The following SUSD4 variants were observed in gnomAD, a reference collection of about 807,000 sequenced individuals.
SUSD4 encodes the protein sushi domain containing 4.
In SUSD4, 41 loss-of-function variants were observed where a neutral mutation model predicts 50.5. That is an observed-to-expected ratio of 0.81 (90% confidence interval 0.63 to 1.05). The LOEUF (loss-of-function observed/expected upper bound fraction) is 1.05, where lower values mean the gene tolerates loss of function less well. SUSD4 is among the 50% of genes least tolerant of loss of function. The probability of loss-of-function intolerance (pLI) is 0.00; values close to 1 mark genes in which losing one functional copy is unlikely to be tolerated. For synonymous variants in SUSD4, 257 were observed against 257.3 expected, an observed-to-expected ratio of 1.00 and a Z score of 0.01; for missense variants, 580 against 634.7, an observed-to-expected ratio of 0.91 and a Z score of 0.93.
chr1:223,339,925 G>C (rs1291516904), intron 2 of SUSD4, among the ~76,000 whole-genome samples: 1 of 152,202 alleles, frequency 6.6e-6, no homozygotes, highest in Non-Finnish European at 1.5e-5. Flanking sequence ...AATTTGCCAA[G>C]TTGAAGAAAA....
At chr1:223,298,112 C>T (rs1316988747) in intron 2 of SUSD4, among the ~76,000 whole-genome samples, 2 of 150,098 alleles carry the variant, frequency 1.3e-5, no homozygotes, top group African/African-American at 4.9e-5. Context: ...ATGGATGCAT[C>T]GCTAGATGGA....
At chr1:223,303,688 G>A (rs1018125514) in intron 2 of SUSD4, among the ~76,000 whole-genome samples, 6 of 152,146 alleles carry the variant, frequency 3.9e-5, no homozygotes, top group African/African-American at 1.2e-4. Flanking sequence ...CCCATGAGCC[G>A]CCAATGTACT....
At chr1:223,250,864 G>A (rs1027856324) in intron 5 of SUSD4, among the ~76,000 whole-genome samples, 1 of 152,202 alleles carries the variant, frequency 6.6e-6, no homozygotes, top group Non-Finnish European at 1.5e-5. Flanking sequence ...AAGGATGCTG[G>A]CCAACTGGGG....
intron 2 of SUSD4, among the ~76,000 whole-genome samples, chr1:223,311,197 T>C (rs1014361317): frequency 6.6e-6 from 1 of 152,242 alleles, no homozygotes; most frequent in African/African-American, 2.4e-5. Context: ...TAATGAACCA[T>C]TACATCCTAT....
intron 7 of SUSD4, among the ~76,000 whole-genome samples, chr1:223,225,810 G>A (rs1456325029): frequency 6.6e-6 from 1 of 151,906 alleles, no homozygotes; most frequent in African/African-American, 2.4e-5. Context: ...ACGTGTCCCC[G>A]CCATGCCACT....
intron 2 of SUSD4, among the ~76,000 whole-genome samples, chr1:223,326,675 A>G (rs1666894599): frequency 6.6e-6 from 1 of 152,226 alleles, no homozygotes; most frequent in African/African-American, 2.4e-5. Flanking sequence ...TCCTATTAAA[A>G]AGTGGGCAAA....
intron 2 of SUSD4, among the ~76,000 whole-genome samples, chr1:223,321,858 T>C (rs1176072406): frequency 6.6e-6 from 1 of 152,260 alleles, no homozygotes; most frequent in Admixed American, 6.5e-5. Context: ...TATTAAAACA[T>C]CAAATAACGT....
intron 3 of SUSD4, among the ~76,000 whole-genome samples, chr1:223,270,038 C>T (rs371391578): frequency 6.6e-6 from 1 of 152,044 alleles, no homozygotes; most frequent in Non-Finnish European, 1.5e-5. Flanking sequence ...GGGGTTGGGG[C>T]TGGGTTTACT....
intron 1 of SUSD4, 166 bp from the exon 2 acceptor site, chr1:223,363,626 C>T: frequency 3.9e-6 from 3 of 778,126 alleles, no homozygotes; most frequent in Non-Finnish European, 5.8e-6. Context: ...CCCCCGCCTT[C>T]CCCCGAGCCG....
chr1:223,306,157 G>A (rs913194543), intron 2 of SUSD4, among the ~76,000 whole-genome samples: 4 of 151,998 alleles, frequency 2.6e-5, no homozygotes, highest in South Asian at 2.1e-4. Flanking sequence ...GATTTAATTC[G>A]CTTTGATTAC....
In SUSD4 at chr1:223,268,040, TATAC is replaced by T. The variant is rs1558197219; in HGVS notation, c.535+458_535+461del. ...ATATATATATATATATATATATATATATACACACACACTGTTAAGAGAAAACAGC... is the reference window on the plus strand; with the variant it reads ...ATATATATATATATATATATATATATACACACACTGTTAAGAGAAAACAGC... On this transcript the variant is annotated intron_variant, in intron 4 of 8. Transcript: ENST00000366878. Among the ~76,000 whole-genome samples, 689 of 81,274 alleles carry T rather than the reference TATAC, an allele frequency of 8.5e-3. 73 individuals carry two copies. The highest frequency in any genetic ancestry group is 0.023 in the African/African-American group (655 of 28,120). The allele number at this position is 81,274 out of a possible 152,430, so 53.3% of individuals were successfully genotyped here. A position where few individuals can be genotyped will look rare whatever the true frequency, so the allele number is the denominator to read the frequency against.
In SUSD4 at chr1:223,252,230, A is replaced by AT. The variant is rs1553285623; in HGVS notation, c.724+12399_724+12400insA. On this transcript the variant is annotated intron_variant, in intron 5 of 8. Coordinates refer to ENST00000366878, the MANE Select transcript of SUSD4 (RefSeq NM_017982.4). ...ACTTAAAGTATAATTAAAAAAAAAA[A>AT]AAAAAAATATATATATATATATATA... Among the ~76,000 whole-genome samples, 86 of 64,690 alleles carry AT rather than the reference A, an allele frequency of 1.3e-3. 1 individual carries two copies. Among genetic ancestry groups the AT allele is most frequent in the Admixed American group, 4.3e-3 (31 of 7,240 alleles). 42.4% of individuals were successfully genotyped at this position (64,690 alleles called of 152,430 possible).
chr1:223,279,318 C>G (rs953594544), intron 3 of SUSD4, among the ~76,000 whole-genome samples: 1 of 152,116 alleles, frequency 6.6e-6, no homozygotes, highest in East Asian at 1.9e-4. Flanking sequence ...AAGCTAAAAA[C>G]CTTGAAAAAA....
rs546446683 is a variant in SUSD4, at chr1:223,264,503, A to G, written c.724+127T>C. 1.4e-4 allele frequency: 206 copies of G among 1,443,754 alleles called. 2 individuals carry two copies. The Admixed American group carries it at 5.2e-3, about 37-fold the overall frequency. 89.4% of individuals were successfully genotyped at this position (1,443,754 alleles called of 1,614,324 possible). A position where few individuals can be genotyped will look rare whatever the true frequency, so the allele number is the denominator to read the frequency against. Reference sequence around the variant, plus strand: ...GCAGCTGATCTCTGCTCTGGAGAAAAGTGAGAAAGATGTATTCAGAGAAGA... The same window carrying G: ...GCAGCTGATCTCTGCTCTGGAGAAAGGTGAGAAAGATGTATTCAGAGAAGA... On this transcript the variant is annotated intron_variant, in intron 5 of 8. Coordinates refer to ENST00000366878, the MANE Select transcript of SUSD4 (RefSeq NM_017982.4).
chr1:223,322,987 T>C (rs1460105194), intron 2 of SUSD4, among the ~76,000 whole-genome samples: 1 of 152,164 alleles, frequency 6.6e-6, no homozygotes, highest in Non-Finnish European at 1.5e-5. Flanking sequence ...CAGGATATGA[T>C]GGAGAAAGGG....
intron 5 of SUSD4, among the ~76,000 whole-genome samples, chr1:223,237,280 T>G (rs1660282816): frequency 6.6e-6 from 1 of 152,088 alleles, no homozygotes; most frequent in African/African-American, 2.4e-5. Flanking sequence ...ACATAGATGA[T>G]CATGTCCCCT....
chr1:223,359,194 T>C (rs1668830883), intron 2 of SUSD4: 5 of 466,994 alleles, frequency 1.1e-5, no homozygotes, highest in South Asian at 3.1e-5. Context: ...TTCAGTGGGT[T>C]CCCCACTGCC....
At chr1:223,333,690 ATT>A (rs912747458) in intron 2 of SUSD4, among the ~76,000 whole-genome samples, 18 of 152,104 alleles carry the variant, frequency 1.2e-4, no homozygotes, top group Admixed American at 6.5e-5. Context: ...ACGCTGGGGA[ATT>A]GGAAGCACCA....
chr1:223,275,974 A>C (rs1397057017), intron 3 of SUSD4, among the ~76,000 whole-genome samples: 1 of 152,214 alleles, frequency 6.6e-6, no homozygotes, highest in Non-Finnish European at 1.5e-5. Flanking sequence ...ATGGGGTGCC[A>C]AGGAGATCTG....
Sources: allele counts gnomAD v4.1 joint callset (sites outside exome capture counted in the v4.1 genomes callset), GRCh38; gene constraint gnomAD v4.1.1; transcripts MANE v1.5; gene names NCBI Gene and HGNC (gene_info 2026-07-23, HGNC 2026-07-21).